Variants in SYNPO2 observed in about 807,000 individuals in gnomAD.
The protein encoded by SYNPO2 is synaptopodin-2.
A neutral mutation model predicts 85.0 loss-of-function variants in SYNPO2; 56 were observed. The ratio of observed to expected loss-of-function variants is 0.66; its 90% CI spans 0.53 to 0.82. The LOEUF (loss-of-function observed/expected upper bound fraction) is 0.82. Ranked by LOEUF, SYNPO2 falls within the 40% of genes least tolerant of loss-of-function variation. The pLI, the probability that SYNPO2 is intolerant of heterozygous loss-of-function variation, is 0.00. For missense variants in SYNPO2, 1,575 were observed against 1,534.2 expected (o/e 1.03, Z -0.44); for synonymous variants, 602 against 591.1 (o/e 1.02, Z -0.27).
At chr4:119,028,222 G>GT (rs11317450) in intron 3 of SYNPO2, among the ~76,000 whole-genome samples, 7,280 of 135,410 alleles carry the variant, frequency 0.054, 363 homozygotes, top group African/African-American at 0.14. Context: ...ATTTTTGTTT[G>GT]TTTTTTTTTT....
At chr4:119,000,225 C>T (rs1736774950) in intron 1 of SYNPO2, among the ~76,000 whole-genome samples, 1 of 152,178 alleles carries the variant, frequency 6.6e-6, no homozygotes, top group African/African-American at 2.4e-5. Flanking sequence ...AAAAGCAAGA[C>T]ACTGACACAG....
chr4:118,955,077 G>T (rs2389694), intron 1 of SYNPO2, among the ~76,000 whole-genome samples: 30,762 of 147,292 alleles, frequency 0.21, 3,196 homozygotes, highest in East Asian at 0.27. Context: ...TTGGCTCACT[G>T]CAATCTCTGC....
chr4:118,878,982 G>A (rs544842327), intron 1 of SYNPO2, among the ~76,000 whole-genome samples: 130 of 152,304 alleles, frequency 8.5e-4, no homozygotes, highest in African/African-American at 3.0e-3. Flanking sequence ...GCGAAGGTCT[G>A]TGGCTTCACT....
intron 1 of SYNPO2, among the ~76,000 whole-genome samples, chr4:118,930,090 A>G (rs963265953): frequency 5.9e-5 from 9 of 152,198 alleles, no homozygotes; most frequent in Non-Finnish European, 1.2e-4. Flanking sequence ...TCAAGCAGAG[A>G]TAATATAGAT....
At chr4:119,011,028 A>G (rs1439326792) in intron 1 of SYNPO2, among the ~76,000 whole-genome samples, 1 of 152,220 alleles carries the variant, frequency 6.6e-6, no homozygotes, top group Admixed American at 6.5e-5. Flanking sequence ...ATCTGAAATA[A>G]ATAGGAGAAC....
In SYNPO2 at chr4:118,866,872, T is replaced by C. The variant is rs575650411; in HGVS notation, c.12+15932T>C. The stretch of plus-strand genomic sequence containing the variant: ...AAGCCTATTAAACCTTTTTTCTTCA[T>C]AAATCACCCAGTCTCAGGTAGTTCT... On this transcript the variant is annotated intron_variant, in intron 1 of 4. Transcript: ENST00000610556. Among the ~76,000 whole-genome samples, 6 of 152,346 alleles carry C rather than the reference T, an allele frequency of 3.9e-5. No individual in the cohort carries two copies. In the South Asian group the frequency reaches 1.2e-3, roughly 32 times the overall value.
intron 1 of SYNPO2, among the ~76,000 whole-genome samples, chr4:119,004,450 C>T (rs1048797959): frequency 3.4e-5 from 5 of 146,444 alleles, no homozygotes; most frequent in Non-Finnish European, 7.5e-5. Context: ...TTGTTCAATT[C>T]CCACCTATGA....
At chr4:118,909,574 T>G (rs1266315054) in intron 1 of SYNPO2, among the ~76,000 whole-genome samples, 1 of 152,224 alleles carries the variant, frequency 6.6e-6, no homozygotes. Context: ...AAGGGTGTTT[T>G]CCCACTCTTT....
At chr4:119,019,021 G>C (rs1737621383) in intron 1 of SYNPO2, among the ~76,000 whole-genome samples, 1 of 152,110 alleles carries the variant, frequency 6.6e-6, no homozygotes, top group Admixed American at 6.6e-5. Context: ...TAAGAACTAT[G>C]AACACAAGGA....
At chr4:118,881,703 CCAAGTGAGAGACGGCACA>C (rs1372111474) in intron 1 of SYNPO2, among the ~76,000 whole-genome samples, 1 of 152,192 alleles carries the variant, frequency 6.6e-6, no homozygotes, top group East Asian at 1.9e-4. Context: ...CGTTCGGCCT[CCAAGTGAGAGACGGCACA>C]TAGATCATAG....
intron 1 of SYNPO2, among the ~76,000 whole-genome samples, chr4:118,927,748 A>AC (rs1278344987): frequency 4.3e-4 from 62 of 144,968 alleles, no homozygotes; most frequent in African/African-American, 1.4e-3. Flanking sequence ...AGATAGATAG[A>AC]TGATAGATAG....
intron 4 of SYNPO2, chr4:119,033,072 A>T (rs1158492185): frequency 1.0e-6 from 1 of 985,382 alleles, no homozygotes; most frequent in Non-Finnish European, 1.2e-6. Flanking sequence ...CAGGACGCAC[A>T]TAAAGGTGTA....
intron 1 of SYNPO2, among the ~76,000 whole-genome samples, chr4:118,977,282 C>A (rs1578606741): frequency 1.3e-5 from 2 of 152,234 alleles, no homozygotes. Context: ...CCTCTGCAGC[C>A]ACTGGCCTGG....
chr4:119,009,214 T>A (rs1223174760), intron 1 of SYNPO2, among the ~76,000 whole-genome samples: 3 of 152,228 alleles, frequency 2.0e-5, no homozygotes, highest in Admixed American at 1.3e-4. Context: ...GCAAGCATGA[T>A]CTGCCTAGGG....
At chr4:118,918,962 C>A (rs1026487805) in intron 1 of SYNPO2, among the ~76,000 whole-genome samples, 12 of 152,094 alleles carry the variant, frequency 7.9e-5, no homozygotes, top group Admixed American at 7.2e-4. Context: ...ACCAACCAGA[C>A]AGAATATGCT....
At chr4:118,875,496 T>C (rs537596514) in intron 1 of SYNPO2, among the ~76,000 whole-genome samples, 1 of 152,274 alleles carries the variant, frequency 6.6e-6, no homozygotes, top group East Asian at 1.9e-4. Flanking sequence ...TGGCTGCAGG[T>C]TTGTGCCCCA....
At chr4:118,882,488 C>T (rs1732123357) in intron 1 of SYNPO2, among the ~76,000 whole-genome samples, 1 of 152,150 alleles carries the variant, frequency 6.6e-6, no homozygotes. Context: ...ATTGAGTCAA[C>T]ATTGTCATTT....
In SYNPO2 at chr4:119,031,987, G is replaced by T. The variant is rs143208081; in HGVS notation, c.3212G>T (p.Arg1071Met). The change falls in exon 4 of 5, where the codon AGG becomes ATG. Residue 1071 changes from arginine to methionine, a missense_variant. Arg to Met is a moderately conservative substitution (Grantham distance 91, BLOSUM62 -1). Coordinates refer to ENST00000307142, the MANE Select transcript of SYNPO2 (RefSeq NM_133477.3). The part of the protein sequence containing the change: ...SASSSYFVAP[R>M]PKFSAKKSGV... ...TCATCATCTTATTTTGTGGCACCAAGGCCAAAGTTCTCAGCCAAGAAAAGT... is the reference window on the plus strand; with the variant it reads ...TCATCATCTTATTTTGTGGCACCAATGCCAAAGTTCTCAGCCAAGAAAAGT... 109 of 1,614,064 alleles carry T rather than the reference G, an allele frequency of 6.8e-5. No individual in the cohort carries two copies. The highest frequency in any genetic ancestry group is 8.9e-5 in the Non-Finnish European group (105 of 1,180,042).
At chr4:118,980,828 A>G (rs1397293569) in intron 1 of SYNPO2, among the ~76,000 whole-genome samples, 1 of 152,166 alleles carries the variant, frequency 6.6e-6, no homozygotes, top group Non-Finnish European at 1.5e-5. Flanking sequence ...TGGTGGTGGC[A>G]TGTGTGGCAT....
Sources: allele counts gnomAD v4.1 joint callset (sites outside exome capture counted in the v4.1 genomes callset), GRCh38; gene constraint gnomAD v4.1.1; transcripts MANE v1.5; gene names NCBI Gene and HGNC (gene_info 2026-07-23, HGNC 2026-07-21).